The following ATXN7 variants were observed in gnomAD, a reference collection of about 807,000 sequenced individuals.
ATXN7 encodes the protein ataxin 7.
Under a neutral mutation model 70.5 loss-of-function variants are expected in ATXN7, and 12 were observed. The observed-to-expected ratio is 0.17, with a 90% confidence interval of 0.11 to 0.28. The LOEUF is 0.28. Among genes scored for constraint, ATXN7 ranks in the 10% least tolerant of loss-of-function variants. ATXN7 has a pLI of 1.00. For missense variants in ATXN7, 1,256 were observed against 1,131.7 expected (o/e 1.11, Z -1.58); for synonymous variants, 498 against 448.7 (o/e 1.11, Z -1.39).
intron 5 of ATXN7, chr3:63,968,295 T>C: frequency 3.5e-6 from 1 of 282,096 alleles, no homozygotes; most frequent in Non-Finnish European, 6.8e-6. Flanking sequence ...CTGGCCAAAG[T>C]TCAGATGCAG....
intron 1 of ATXN7, chr3:63,865,184 A>T (rs1702370858): frequency 1.3e-5 from 2 of 152,238 alleles, no homozygotes; most frequent in African/African-American, 2.4e-5. Context: ...GAAGTTGCAG[A>T]TGCAAATGTA....
intron 5 of ATXN7, chr3:63,967,842 T>C: frequency 6.5e-7 from 1 of 1,527,116 alleles, no homozygotes; most frequent in Non-Finnish European, 8.8e-7. Context: ...TTGGAGTTGG[T>C]GGGCAGACCC....
At chr3:63,929,691 G>A (rs558550887) in intron 4 of ATXN7, among the ~76,000 whole-genome samples, 1 of 152,148 alleles carries the variant, frequency 6.6e-6, no homozygotes, top group South Asian at 2.1e-4. Flanking sequence ...CCCCATCTCT[G>A]CTTGCCCGGG....
At chr3:63,883,108 C>A (rs561392402) in intron 1 of ATXN7, among the ~76,000 whole-genome samples, 1 of 152,272 alleles carries the variant, frequency 6.6e-6, no homozygotes, top group East Asian at 1.9e-4. Flanking sequence ...TCAACCTCAG[C>A]AGTTCTGCTG....
chr3:63,996,405 C>T lies in ATXN7; in HGVS notation c.2583C>T (p.Ala861=). 2 of 1,614,140 alleles carry T rather than the reference C, an allele frequency of 1.2e-6. No individual in the cohort carries two copies. The highest frequency in any genetic ancestry group is 1.3e-5 in the African/African-American group (1 of 75,014). ...SKPTKVAKVP[A]VNNVHMKHTG... ...CCACAAAGGTTGCCAAAGTGCCAGC[C>T]GTGAACAATGTCCACATGAAACACA... The change falls in exon 12 of 13, where the codon GCC becomes GCT. Residue 861 remains alanine (A), a synonymous_variant. Coordinates refer to ENST00000674280, the MANE Select transcript of ATXN7 (RefSeq NM_001377405.1).
intron 5 of ATXN7, among the ~76,000 whole-genome samples, chr3:63,979,626 C>G (rs1654405981): frequency 6.6e-6 from 1 of 152,096 alleles, no homozygotes; most frequent in Non-Finnish European, 1.5e-5. Context: ...ACGCAAAACC[C>G]AAAAGGCAAT....
chr3:63,985,892 A>T (rs187583726), intron 8 of ATXN7, among the ~76,000 whole-genome samples: 1 of 152,222 alleles, frequency 6.6e-6, no homozygotes, highest in Admixed American at 6.5e-5. Flanking sequence ...CGTGTTCCCT[A>T]TGCTTGTGGT....
Position 63,912,637 on chromosome 3 carries a change from G to T in ATXN7, c.39G>T (p.Pro13=). The T allele has an allele frequency of 9.5e-7, 1 of 1,048,576 alleles. No individual in the cohort carries two copies. 65.0% of individuals were successfully genotyped at this position (1,048,576 alleles called of 1,614,324 possible). Residue 13 remains proline (P), a synonymous_variant, in exon 3 of 13, where the codon CCG becomes CCT. Coordinates refer to ENST00000674280, the MANE Select transcript of ATXN7 (RefSeq NM_001377405.1). The part of the protein sequence containing the change: ...ERAADDVRGE[P]RRAAAAAGGA... ...CCGCGGATGACGTCAGGGGGGAGCC[G>T]CGCCGCGCGGCGGCGGCGGCGGGCG...
Position 63,972,029 on chromosome 3 carries a change from AC to A in ATXN7, c.500-7885del, listed in dbSNP as rs568203932. Among the ~76,000 whole-genome samples the A allele has an allele frequency of 2.8e-3, 420 of 152,348 alleles. 1 individual carries two copies. The highest frequency in any genetic ancestry group is 9.6e-3 in the African/African-American group (401 of 41,584). On this transcript the variant is annotated intron_variant, in intron 5 of 12. Transcript: ENST00000674280. ...AGGAGTTATAATCCTTGTGAAAGAC[AC>A]ATGATGCCAATTGACACCTCACGAG...
intron 9 of ATXN7, chr3:63,988,580 T>G (rs1204602588): frequency 1.3e-5 from 6 of 459,946 alleles, no homozygotes; most frequent in Non-Finnish European, 2.3e-5. Context: ...GAACATCAAG[T>G]GTCTCAACTC....
At chr3:63,997,892 A>G (rs2075785280) in intron 12 of ATXN7, 2 of 985,438 alleles carry the variant, frequency 2.0e-6, no homozygotes, top group Non-Finnish European at 2.4e-6. Context: ...AACTAGCTGC[A>G]TGCATTATGG....
At chr3:63,915,686 A>ATT (rs10712088) in intron 4 of ATXN7, among the ~76,000 whole-genome samples, 6 of 142,816 alleles carry the variant, frequency 4.2e-5, no homozygotes, top group Admixed American at 7.0e-5. Flanking sequence ...CCCTTTATTT[A>ATT]TTTTTTTTTT....
At chr3:63,967,561 G>A (rs1382308095) in intron 5 of ATXN7, among the ~76,000 whole-genome samples, 1 of 152,010 alleles carries the variant, frequency 6.6e-6, no homozygotes, top group Non-Finnish European at 1.5e-5. Flanking sequence ...TAGTAGCTTT[G>A]TCAGTTTAAA....
At chr3:63,992,251 G>C (rs929647504) in intron 11 of ATXN7, among the ~76,000 whole-genome samples, 2 of 152,178 alleles carry the variant, frequency 1.3e-5, no homozygotes, top group East Asian at 3.9e-4. Flanking sequence ...TAGAACACCA[G>C]ATTCAGAGCA....
intron 4 of ATXN7, among the ~76,000 whole-genome samples, chr3:63,935,548 C>G (rs75686136): frequency 0.026 from 4,023 of 152,220 alleles, 63 homozygotes; most frequent in Middle Eastern, 0.051. Context: ...TTGGAAGCTC[C>G]TTATGGGCAA....
chr3:63,990,223 C>T lies in ATXN7; in HGVS notation c.1409C>T (p.Pro470Leu). ...AQQGGSAPID[P>L]PPVHESPHPP... is the part of the protein sequence containing the mutation. ...CAAGGTGGGAGTGCCCCCATTGACC[C>T]TCCTCCAGTCCATGAATCTCCACAC... Residue 470 changes from proline (P) to leucine (L), a missense_variant, in exon 10 of 13, where the codon CCT becomes CTT. By Grantham distance (98) the Pro-to-Leu change is moderately conservative. Coordinates refer to ENST00000674280, the MANE Select transcript of ATXN7 (RefSeq NM_001377405.1). The T allele has an allele frequency of 3.1e-6, 5 of 1,613,862 alleles. No individual in the cohort carries two copies. The East Asian group carries it at 8.9e-5, about 29-fold the overall frequency.
intron 1 of ATXN7, among the ~76,000 whole-genome samples, chr3:63,880,958 T>C (rs1702889746): frequency 6.6e-6 from 1 of 152,216 alleles, no homozygotes; most frequent in Admixed American, 6.5e-5. Flanking sequence ...GAAAAAGAAC[T>C]GCTTTCAACC....
intron 2 of ATXN7, among the ~76,000 whole-genome samples, chr3:63,899,283 A>T (rs888153051): frequency 4.6e-5 from 7 of 151,782 alleles, no homozygotes; most frequent in Non-Finnish European, 8.8e-5. Flanking sequence ...ACTGGTCTCG[A>T]ACCCCTGACC....
chr3:63,928,964 C>T (rs989987041), intron 4 of ATXN7, among the ~76,000 whole-genome samples: 7 of 152,242 alleles, frequency 4.6e-5, no homozygotes, highest in East Asian at 3.9e-4. Flanking sequence ...GGCCTAAAAC[C>T]TTTGCGAGGC....
Sources: gnomAD v4.1 joint callset for allele counts (sites outside exome capture counted in the v4.1 genomes callset) on GRCh38, gnomAD v4.1.1 for gene constraint, MANE v1.5 for transcripts, NCBI Gene and HGNC (gene_info 2026-07-23, HGNC 2026-07-21) for gene names.